The following SEZ6 variants were observed in gnomAD, a reference collection of about 807,000 sequenced individuals.
SEZ6 encodes the protein seizure related 6 homolog.
SEZ6 carries 53 observed loss-of-function variants against 101.0 expected under a neutral mutation model. The ratio of observed to expected loss-of-function variants is 0.52; its 90% CI spans 0.42 to 0.66. SEZ6 has a LOEUF of 0.66. SEZ6 is among the 30% of genes least tolerant of loss of function. SEZ6 has a pLI of 0.00. For missense variants in SEZ6, 1,102 were observed against 1,289.4 expected (o/e 0.85, Z 2.23); for synonymous variants, 488 against 512.2 (o/e 0.95, Z 0.64).
intron 1 of SEZ6, among the ~76,000 whole-genome samples, chr17:28,997,240 A>G: frequency 6.6e-6 from 1 of 152,140 alleles, no homozygotes; most frequent in Non-Finnish European, 1.5e-5. Flanking sequence ...GTTTGATCCC[A>G]CATTCACACC....
intron 2 of SEZ6, among the ~76,000 whole-genome samples, chr17:28,980,763 C>T (rs2041289399): frequency 6.6e-6 from 1 of 152,206 alleles, no homozygotes; most frequent in Non-Finnish European, 1.5e-5. Context: ...CTCGGCCTCC[C>T]AAAGTGCTGG....
Position 28,959,777 on chromosome 17 carries a change from G to T in SEZ6, c.1692C>A (p.Thr564=). 6.2e-7 allele frequency: 1 copy of T among 1,613,752 alleles called. No individual in the cohort carries two copies. The highest frequency in any genetic ancestry group is 1.3e-5 in the African/African-American group (1 of 75,040). ...CGATGATGATGGAGCCCTGCTCCAG[G>T]GTGTAGCCAGGGTCGCAGCTGAACT... The part of the protein sequence containing the change: ...TVEFSCDPGY[T]LEQGSIIIEC... Residue 564 remains threonine, a synonymous_variant, in exon 8 of 17, where the codon ACC becomes ACA. Coordinates refer to ENST00000317338, the MANE Select transcript of SEZ6 (RefSeq NM_178860.5). The surrounding 1 kb of genome is among the most constrained non-coding windows in gnomAD (Gnocchi z 4.4).
chr17:29,005,905 C>G lies in SEZ6; in HGVS notation c.-36G>C. The G allele has an allele frequency of 7.3e-7, 1 of 1,372,020 alleles. No homozygotes were observed. The highest frequency in any genetic ancestry group is 9.6e-7 in the Non-Finnish European group (1 of 1,044,572). 85.0% of individuals were successfully genotyped at this position (1,372,020 alleles called of 1,614,324 possible). On this transcript the variant is annotated 5_prime_UTR_variant, in exon 1 of 17. Coordinates refer to ENST00000317338, the MANE Select transcript of SEZ6 (RefSeq NM_178860.5). The surrounding 1 kb of genome is among the most constrained non-coding windows in gnomAD (Gnocchi z 4.8). The stretch of plus-strand genomic sequence containing the variant: ...GCGGCCGCGCCCTGGGCTGGGACCG[C>G]GGCGGGAGGGCGGGGGGCTTGGTGG...
At chr17:28,994,989 C>T (rs2041516107) in intron 1 of SEZ6, among the ~76,000 whole-genome samples, 2 of 152,146 alleles carry the variant, frequency 1.3e-5, no homozygotes, top group Middle Eastern at 3.4e-3. Context: ...TCTCCTGCCT[C>T]AGCCTCCCGA....
intron 1 of SEZ6, among the ~76,000 whole-genome samples, chr17:28,984,708 C>T (rs1329046237): frequency 6.6e-6 from 1 of 152,192 alleles, no homozygotes; most frequent in Non-Finnish European, 1.5e-5. Context: ...GTAAGATAAC[C>T]TCTGGGAGAC....
In SEZ6 at chr17:28,969,827, G is replaced by C; in HGVS notation, c.984C>G (p.His328Gln). Reference protein sequence around the residue: ...LRGQVIRSPTHQAALRFQSLP... With the variant: ...LRGQVIRSPTQQAALRFQSLP... ...GGCTCTGGAACCTCAGGGCCGCTTG[G>C]TGGGTGGGGCTGCGGATGACTTGGC... The change falls in exon 4 of 17, where the codon CAC (histidine) becomes CAG (glutamine). Residue 328 changes from histidine (H) to glutamine (Q), a missense_variant. Physicochemically the swap from His to Gln is conservative, Grantham distance 24 (BLOSUM62 0). Coordinates refer to ENST00000317338, the MANE Select transcript of SEZ6 (RefSeq NM_178860.5). 6.5e-7 allele frequency: 1 copy of C among 1,527,828 alleles called. No homozygotes were observed. Among genetic ancestry groups the C allele is most frequent in the Non-Finnish European group, 8.7e-7 (1 of 1,148,538 alleles). The allele number at this position is 1,527,828 out of a possible 1,614,324, so 94.6% of individuals were successfully genotyped here.
intron 1 of SEZ6, among the ~76,000 whole-genome samples, chr17:28,982,797 C>G (rs932083902): frequency 1.3e-5 from 2 of 152,132 alleles, no homozygotes; most frequent in Non-Finnish European, 2.9e-5. Flanking sequence ...ACCCCCACTT[C>G]TAGTAGCTGG....
intron 1 of SEZ6, among the ~76,000 whole-genome samples, chr17:28,994,974 TC>T (rs1046284997): frequency 6.6e-6 from 1 of 151,022 alleles, no homozygotes; most frequent in African/African-American, 2.4e-5. Flanking sequence ...CAGGGTTCAC[TC>T]CGTTCTCCTG....
At chr17:28,996,857 T>C (rs1172397404) in intron 1 of SEZ6, among the ~76,000 whole-genome samples, 2 of 152,160 alleles carry the variant, frequency 1.3e-5, no homozygotes, top group Non-Finnish European at 1.5e-5. Context: ...CCAAGGACCC[T>C]GCAGAGCTGG....
intron 1 of SEZ6, among the ~76,000 whole-genome samples, chr17:28,989,833 C>T (rs998350188): frequency 2.0e-5 from 3 of 152,056 alleles, no homozygotes; most frequent in Admixed American, 6.6e-5. Context: ...TTTGAGAAGC[C>T]GAGGTGGGGG....
intron 4 of SEZ6, among the ~76,000 whole-genome samples, chr17:28,966,974 G>A (rs1270769102): frequency 6.6e-6 from 1 of 152,130 alleles, no homozygotes; most frequent in African/African-American, 2.4e-5. Context: ...GTGGGCTGTG[G>A]GTCAGACTGC....
chr17:28,969,483 T>G (rs546829745), intron 4 of SEZ6, among the ~76,000 whole-genome samples: 1 of 152,172 alleles, frequency 6.6e-6, no homozygotes, highest in Non-Finnish European at 1.5e-5. Context: ...GCTGAATGAA[T>G]GAATGAGGGA....
chr17:28,961,121 G>T, intron 5 of SEZ6, 148 bp from the exon 6 acceptor site: 1 of 1,037,650 alleles, frequency 9.6e-7, no homozygotes, highest in Non-Finnish European at 1.4e-6. Flanking sequence ...TCGTCCTGAA[G>T]GTCAACCTTT....
intron 1 of SEZ6, among the ~76,000 whole-genome samples, chr17:28,985,241 T>C (rs1293336833): frequency 6.6e-6 from 1 of 152,182 alleles, no homozygotes; most frequent in East Asian, 1.9e-4. Flanking sequence ...CACGGACTCG[T>C]CGAAGATCTC....
chr17:28,956,199 G>A lies in SEZ6; in HGVS notation c.2912C>T (p.Thr971Ile), dbSNP rs866912561. The stretch of plus-strand genomic sequence containing the variant: ...TGGATTGTCAAACGCTGACTCTATG[G>A]TAATGCGGTTGTAGGGGCGGGGGCG... ...RPRPRPYNRI[T>I]IESAFDNPTY... Residue 971 changes from threonine to isoleucine, a missense_variant, in exon 16 of 17, where the codon ACC becomes ATC. By Grantham distance (89) the Thr-to-Ile change is moderately conservative. Around this residue, in one of 3 missense-constraint regions of SEZ6, gnomAD observed 140 missense variants for 135.7 expected, o/e 1.03. Transcript: ENST00000317338. 10 of 931,346 alleles carry A rather than the reference G, an allele frequency of 1.1e-5. No individual in the cohort carries two copies. Among genetic ancestry groups the A allele is most frequent in the Admixed American group, 2.0e-5 (1 of 50,428 alleles). 57.7% of individuals were successfully genotyped at this position (931,346 alleles called of 1,614,324 possible). A position where few individuals can be genotyped will look rare whatever the true frequency, so the allele number is the denominator to read the frequency against.
intron 12 of SEZ6, 21 bp downstream of exon 12, chr17:28,957,327 T>C (rs770244065): frequency 4.3e-6 from 7 of 1,610,828 alleles, no homozygotes; most frequent in Middle Eastern, 1.7e-4. Context: ...AGGTTTTCCC[T>C]CCTACTCAAT....
chr17:28,957,873 G>T, intron 11 of SEZ6, 74 bp downstream of exon 11: 1 of 1,507,238 alleles, frequency 6.6e-7, no homozygotes, highest in Non-Finnish European at 9.1e-7. Context: ...AACAGCTACA[G>T]TCTGGTTCAG....
rs754586971 is a variant in SEZ6, at chr17:28,956,216, G to T, written c.2895C>A (p.Arg965=). Residue 965 remains arginine, a synonymous_variant, in exon 16 of 17, where the codon CGC becomes CGA. Coordinates refer to ENST00000317338, the MANE Select transcript of SEZ6 (RefSeq NM_178860.5). ...ACTCTATGGTAATGCGGTTGTAGGG[G>T]CGGGGGCGGGGGCGGGGCAGCTGCA... ...SSLQLPRPRP[R]PYNRITIESA... is the part of the protein sequence containing the mutation. 2 of 546,166 alleles carry T rather than the reference G, an allele frequency of 3.7e-6. No individual in the cohort carries two copies. Among genetic ancestry groups the T allele is most frequent in the East Asian group, 1.2e-4 (2 of 16,938 alleles). The allele number at this position is 546,166 out of a possible 1,614,324, so 33.8% of individuals were successfully genotyped here.
intron 12 of SEZ6, 29 bp downstream of exon 12, chr17:28,957,319 G>A: frequency 6.2e-7 from 1 of 1,610,758 alleles, no homozygotes; most frequent in African/African-American, 1.3e-5. Context: ...CCAGCTAGAG[G>A]TTTTCCCTCC....
Sources: allele counts gnomAD v4.1 joint callset (sites outside exome capture counted in the v4.1 genomes callset), GRCh38; gene constraint gnomAD v4.1.1; regional missense constraint gnomAD v4.1.1; non-coding constraint Gnocchi (gnomAD v3.1); transcripts MANE v1.5; gene names NCBI Gene and HGNC (gene_info 2026-07-23, HGNC 2026-07-21).